DGKQ: variants seen among roughly 807,000 people sequenced by gnomAD.
DGKQ encodes diacylglycerol kinase theta, also known as DAG kinase theta.
Under a neutral mutation model 104.2 loss-of-function variants are expected in DGKQ, and 97 were observed. The ratio of observed to expected loss-of-function variants is 0.93; its 90% CI spans 0.79 to 1.10. The LOEUF (loss-of-function observed/expected upper bound fraction) is 1.10. Ranked by LOEUF, DGKQ falls within the 50% of genes least tolerant of loss-of-function variation. DGKQ has a pLI of 0.00. For synonymous variants in DGKQ, 736 were observed against 595.2 expected (o/e 1.24, Z -3.44); for missense variants, 1,465 against 1,352.1 (o/e 1.08, Z -1.31).
At position 967,539 on chromosome 4, in the gene DGKQ, T is replaced by TC. The variant is rs1560517182; in HGVS notation, c.987+9dup. On this transcript the variant is annotated intron_variant, in intron 8 of 22. Coordinates refer to ENST00000273814, the MANE Select transcript of DGKQ (RefSeq NM_001347.4). ...GAGGGGGCTCAGACCTCCCCCAGCCTCCCCCTTACCAGCACCTCCTCGGCA... is the reference window on the plus strand; with the variant it reads ...GAGGGGGCTCAGACCTCCCCCAGCCTCCCCCCTTACCAGCACCTCCTCGGCA... The TC allele has an allele frequency of 1.2e-6, 2 of 1,609,894 alleles. No homozygotes were observed. Among genetic ancestry groups the TC allele is most frequent in the Non-Finnish European group, 1.7e-6 (2 of 1,178,196 alleles).
chr4:970,489 T>G (rs1443571863), intron 2 of DGKQ, among the ~76,000 whole-genome samples: 1 of 152,206 alleles, frequency 6.6e-6, no homozygotes, highest in East Asian at 1.9e-4. Context: ...CAAGACACCC[T>G]CAGGCACCCA....
Position 967,538 on chromosome 4 carries a change from C to G in DGKQ, c.987+11G>C. 1 of 1,611,318 alleles carries G rather than the reference C, an allele frequency of 6.2e-7. No individual in the cohort carries two copies. The highest frequency in any genetic ancestry group is 1.1e-5 in the South Asian group (1 of 91,058). On this transcript the variant is annotated intron_variant, in intron 8 of 22. Coordinates refer to ENST00000273814, the MANE Select transcript of DGKQ (RefSeq NM_001347.4). ...GGAGGGGGCTCAGACCTCCCCCAGC[C>G]TCCCCCTTACCAGCACCTCCTCGGC...
intron 21 of DGKQ, 96 bp downstream of exon 21, chr4:961,371 C>A (rs1316272852): frequency 2.1e-6 from 3 of 1,397,870 alleles, no homozygotes; most frequent in Non-Finnish European, 1.9e-6. Flanking sequence ...GACGCCCACC[C>A]TGGACCTGGC....
chr4:961,828 G>T lies in DGKQ; in HGVS notation c.2322C>A (p.His774Gln). 1 of 1,599,596 alleles carries T rather than the reference G, an allele frequency of 6.3e-7. No individual in the cohort carries two copies. Among genetic ancestry groups the T allele is most frequent in the Non-Finnish European group, 8.5e-7 (1 of 1,172,984 alleles). ...EEPGKFTSRLHNKGVYVRVGL... is the reference protein window; with the variant it reads ...EEPGKFTSRLQNKGVYVRVGL... ...CCACCCGCACGTACACACCCTTGTTGTGCAGCCTGCAGGACGGGGCAGGTC... is the reference window on the plus strand; with the variant it reads ...CCACCCGCACGTACACACCCTTGTTTTGCAGCCTGCAGGACGGGGCAGGTC... Residue 774 changes from histidine (H) to glutamine (Q), a missense_variant, in exon 20 of 23, where the codon CAC becomes CAA. Coordinates refer to ENST00000273814, the MANE Select transcript of DGKQ (RefSeq NM_001347.4).
chr4:973,522 G>A lies in DGKQ; in HGVS notation c.-40C>T, dbSNP rs1713113442. 3.0e-6 allele frequency: 3 copies of A among 985,854 alleles called. No homozygotes were observed. Among genetic ancestry groups the A allele is most frequent in the African/African-American group, 1.8e-5 (1 of 57,052 alleles). 61.1% of individuals were successfully genotyped at this position (985,854 alleles called of 1,614,324 possible). On this transcript the variant is annotated 5_prime_UTR_variant, in exon 1 of 23. Transcript: ENST00000273814. ...GCCCGAGCCCCTTTAGGTCCGCGCC[G>A]GGGGTACAGGAGCCGCCGCTCCACG...
In DGKQ at chr4:960,429, A is replaced by G; in HGVS notation, c.*191T>C. On this transcript the variant is annotated 3_prime_UTR_variant, in exon 23 of 23. Coordinates refer to ENST00000273814, the MANE Select transcript of DGKQ (RefSeq NM_001347.4). ...TCTCCAGTGGGATGAGGGCTGTGAC[A>G]CCAACATGTGTCACCAATGGGATGA... is the stretch of plus-strand genomic sequence containing the variant. 3.3e-6 allele frequency: 2 copies of G among 601,784 alleles called. No homozygotes were observed. Among genetic ancestry groups the G allele is most frequent in the South Asian group, 3.9e-5 (2 of 51,502 alleles). 37.3% of individuals were successfully genotyped at this position (601,784 alleles called of 1,614,324 possible).
chr4:961,699 G>C lies in DGKQ; in HGVS notation c.2451C>G (p.Ile817Met). 1 of 1,612,650 alleles carries C rather than the reference G, an allele frequency of 6.2e-7. No homozygotes were observed. Among genetic ancestry groups the C allele is most frequent in the Non-Finnish European group, 8.5e-7 (1 of 1,179,934 alleles). Reference sequence around the variant, plus strand: ...CCGCCCGCGAGCACCTGGGGATGTTGATGAAGATGAGGCCTTCAATACTGG... The same window carrying C: ...CCGCCCGCGAGCACCTGGGGATGTTCATGAAGATGAGGCCTTCAATACTGG... The part of the protein sequence containing the change: ...ELPSIEGLIF[I>M]NIPSWGSGAD... The change falls in exon 20 of 23, where the codon ATC becomes ATG. Residue 817 changes from isoleucine to methionine, a missense_variant. By Grantham distance (10) the Ile-to-Met change is conservative. Transcript: ENST00000273814.
chr4:963,678 G>T (rs1461181042), intron 15 of DGKQ, among the ~76,000 whole-genome samples: 6 of 152,252 alleles, frequency 3.9e-5, no homozygotes, highest in African/African-American at 1.2e-4. Context: ...TGTCCCCTGG[G>T]GGGCCTCTGG....
In DGKQ at chr4:967,995, G is replaced by A. The variant is rs1481811486; in HGVS notation, c.696C>T (p.Pro232=). 2.5e-5 allele frequency: 37 copies of A among 1,464,080 alleles called. No individual in the cohort carries two copies. Among genetic ancestry groups the A allele is most frequent in the Non-Finnish European group, 3.2e-5 (36 of 1,117,150 alleles). 90.7% of individuals were successfully genotyped at this position (1,464,080 alleles called of 1,614,324 possible). A position where few individuals can be genotyped will look rare whatever the true frequency, so the allele number is the denominator to read the frequency against. ...AHSLCSAALA[P]ECGFGRLRSL... ...AGCGCAGACGCCCGAAGCCACACTC[G>A]GGAGCCAGCGCCGCGGAGCAGAGGG... The change falls in exon 6 of 23, where the codon CCC becomes CCT. Residue 232 remains proline (P), a synonymous_variant. Coordinates refer to ENST00000273814, the MANE Select transcript of DGKQ (RefSeq NM_001347.4).
chr4:961,038 A>G lies in DGKQ; in HGVS notation c.2727+11T>C, dbSNP rs1271206976. 1 of 1,611,268 alleles carries G rather than the reference A, an allele frequency of 6.2e-7. No homozygotes were observed. The highest frequency in any genetic ancestry group is 2.2e-5 in the East Asian group (1 of 44,756). ...CCACCTCCCCTGGCTCTCCAGCCTC[A>G]CCCCACATACCTTAGGGCCAGCAGC... On this transcript the variant is annotated intron_variant, in intron 22 of 22. Coordinates refer to ENST00000273814, the MANE Select transcript of DGKQ (RefSeq NM_001347.4).
rs1712416247 is a variant in DGKQ, at chr4:967,018, C to CG, written c.1256dup (p.Lys420GlufsTer102). ...GCACCACAGAGCGGGCCGTGCTCTT[C>CG]GGGGTCACTCGCACGGACACGTAGG... On this transcript the variant is annotated frameshift_variant, in exon 10 of 23. Coordinates refer to ENST00000273814, the MANE Select transcript of DGKQ (RefSeq NM_001347.4). LOFTEE classifies it high-confidence loss of function. The CG allele has an allele frequency of 1.3e-6, 2 of 1,563,372 alleles. No homozygotes were observed. The highest frequency in any genetic ancestry group is 1.7e-6 in the Non-Finnish European group (2 of 1,155,902).
rs116647108 is a variant in DGKQ at position 970,724 on chromosome 4, A to G, written c.351+269T>C. Among the ~76,000 whole-genome samples, 266 of 152,094 alleles carry G rather than the reference A, an allele frequency of 1.7e-3. 2 individuals carry two copies. Among genetic ancestry groups the G allele is most frequent in the African/African-American group, 6.0e-3 (249 of 41,506 alleles). ...CTTCTCCGCCTGGAAACCTCTCTAC[A>G]TCTGTGCTCCCTTTAGTTTCGTCAT... On this transcript the variant is annotated intron_variant, in intron 2 of 22. Coordinates refer to ENST00000273814, the MANE Select transcript of DGKQ (RefSeq NM_001347.4).
chr4:960,572 C>G lies in DGKQ; in HGVS notation c.*48G>C, dbSNP rs776347949. 7 of 1,552,588 alleles carry G rather than the reference C, an allele frequency of 4.5e-6. No homozygotes were observed. The highest frequency in any genetic ancestry group is 2.7e-5 in the African/African-American group (2 of 73,834). ...GCCTCCAGACCACCTGAAAACAAGGCTGGCGGGAGCAGAGATGGCTCGAGC... is the reference window on the plus strand; with the variant it reads ...GCCTCCAGACCACCTGAAAACAAGGGTGGCGGGAGCAGAGATGGCTCGAGC... On this transcript the variant is annotated 3_prime_UTR_variant, in exon 23 of 23. Coordinates refer to ENST00000273814, the MANE Select transcript of DGKQ (RefSeq NM_001347.4).
rs1230719169 is a variant in DGKQ, at chr4:967,313, C to G, written c.1036G>C (p.Glu346Gln). The G allele has an allele frequency of 6.5e-7, 1 of 1,539,702 alleles. No individual in the cohort carries two copies. The highest frequency in any genetic ancestry group is 8.7e-7 in the Non-Finnish European group (1 of 1,147,796). ...GAGGAAGGGGGCAGCCGGCACAGCT[C>G]CAGGTGGCCAGGGTCCTCGGGGATG... ...HHIPEDPGHL[E>Q]LCRLPPSSQA... is the part of the protein sequence containing the mutation. Residue 346 changes from glutamate to glutamine, a missense_variant, in exon 9 of 23, where the codon GAG becomes CAG. Physicochemically the swap from Glu to Gln is conservative, Grantham distance 29 (BLOSUM62 2). Coordinates refer to ENST00000273814, the MANE Select transcript of DGKQ (RefSeq NM_001347.4).
chr4:962,141 C>T, intron 18 of DGKQ, 59 bp from the exon 19 acceptor site: 2 of 1,434,482 alleles, frequency 1.4e-6, no homozygotes, highest in Non-Finnish European at 1.9e-6. Context: ...CCCCTGAGCT[C>T]CCCAACAGCT....
intron 2 of DGKQ, among the ~76,000 whole-genome samples, chr4:969,316 C>T (rs1235572267): frequency 2.6e-5 from 4 of 152,242 alleles, no homozygotes; most frequent in Non-Finnish European, 4.4e-5. Flanking sequence ...GCTCTGTCGA[C>T]GGCCTGGCAT....
intron 22 of DGKQ, 86 bp from the exon 23 acceptor site, chr4:960,807 G>A (rs984989776): frequency 1.3e-5 from 20 of 1,544,630 alleles, no homozygotes; most frequent in Admixed American, 5.6e-5. Context: ...TGGGGCCCCG[G>A]GCAGCTGATG....
At chr4:962,227 G>C (rs1204992907) in intron 18 of DGKQ, 145 bp from the exon 19 acceptor site, 2 of 881,420 alleles carry the variant, frequency 2.3e-6, no homozygotes, top group East Asian at 2.6e-5. Flanking sequence ...AGCATGGGCA[G>C]GTCCTGGCCA....
At chr4:962,272 G>A (rs1179423362) in intron 18 of DGKQ, among the ~76,000 whole-genome samples, 163 bp downstream of exon 18, 1 of 152,232 alleles carries the variant, frequency 6.6e-6, no homozygotes, top group East Asian at 1.9e-4. Context: ...ACAATCCCCA[G>A]CAGTGGCTAC....
Sources: gnomAD v4.1 joint callset for allele counts (sites outside exome capture counted in the v4.1 genomes callset) on GRCh38, gnomAD v4.1.1 for gene constraint, MANE v1.5 for transcripts, NCBI Gene and HGNC (gene_info 2026-07-23, HGNC 2026-07-21) for gene names.